Variants in PSTPIP1 observed in about 807,000 individuals in gnomAD.
The protein encoded by PSTPIP1 is proline-serine-threonine phosphatase interacting protein 1.
Under a neutral mutation model 69.6 loss-of-function variants are expected in PSTPIP1, and 66 were observed. The ratio of observed to expected loss-of-function variants is 0.95; its 90% CI spans 0.78 to 1.16. PSTPIP1 has a LOEUF of 1.16. Ranked by LOEUF, PSTPIP1 falls within the 50% of genes most tolerant of loss-of-function variation. The pLI, the probability that PSTPIP1 is intolerant of heterozygous loss-of-function variation, is 0.00. For synonymous variants in PSTPIP1, 266 were observed against 222.7 expected, an observed-to-expected ratio of 1.19 and a Z score of -1.73; for missense variants, 603 against 557.4, an observed-to-expected ratio of 1.08 and a Z score of -0.82.
intron 8 of PSTPIP1, 28 bp downstream of exon 8, chr15:77,029,602 C>A (rs2076366817): frequency 4.5e-6 from 7 of 1,560,046 alleles, no homozygotes; most frequent in Non-Finnish European, 6.1e-6. Flanking sequence ...CCCCGTCCGA[C>A]CAGGGCGGAG....
intron 1 of PSTPIP1, among the ~76,000 whole-genome samples, chr15:77,003,963 T>G (rs1013223449): frequency 6.6e-6 from 1 of 152,242 alleles, no homozygotes; most frequent in Admixed American, 6.5e-5. Context: ...TCTTGCTGTT[T>G]CAGAATGCCT....
At chr15:76,997,035 T>C (rs2075595439) in intron 1 of PSTPIP1, among the ~76,000 whole-genome samples, 1 of 152,208 alleles carries the variant, frequency 6.6e-6, no homozygotes, top group African/African-American at 2.4e-5. Flanking sequence ...CCCCTGGGCC[T>C]GCCTTCCCTA....
intron 9 of PSTPIP1, 63 bp downstream of exon 9, chr15:77,030,644 T>C: frequency 6.8e-7 from 1 of 1,477,982 alleles, no homozygotes; most frequent in Non-Finnish European, 9.1e-7. Flanking sequence ...CCATCCCTAC[T>C]CCAGCTGCTT....
intron 1 of PSTPIP1, among the ~76,000 whole-genome samples, chr15:77,007,599 T>C (rs1466535160): frequency 1.4e-5 from 2 of 145,126 alleles, no homozygotes; most frequent in Non-Finnish European, 3.1e-5. Flanking sequence ...ACAGAACACT[T>C]TTTTTTTTTT....
rs527578859 is a variant in PSTPIP1, at chr15:77,003,525, G to A, written c.36+7916G>A. ...AAAAAAATTAGCGGGGCATGGTGGC[G>A]CATGCCTGTAATCCCAGCTACTCAG... On this transcript the variant is annotated intron_variant, in intron 1 of 14. Coordinates refer to ENST00000558012, the MANE Select transcript of PSTPIP1 (RefSeq NM_003978.5). 5.3e-5 allele frequency among the ~76,000 whole-genome samples: 8 copies of A among 152,170 alleles called. No homozygotes were observed. The South Asian group carries it at 6.2e-4, about 12-fold the overall frequency.
intron 1 of PSTPIP1, among the ~76,000 whole-genome samples, chr15:77,000,460 G>GATATATATATATATATATATATATATAT (rs1045472754): frequency 7.1e-6 from 1 of 141,694 alleles, no homozygotes; most frequent in African/African-American, 2.6e-5. Context: ...TTTAAAGAGA[G>GATATATATATATATATATATATATATAT]ATATATATAT....
intron 12 of PSTPIP1, among the ~76,000 whole-genome samples, chr15:77,034,571 CCA>C (rs980792171): frequency 7.2e-5 from 11 of 152,034 alleles, no homozygotes; most frequent in Admixed American, 2.0e-4. Flanking sequence ...GTCCTGTCCC[CCA>C]CACACCCAAA....
Position 77,029,569 on chromosome 15 carries a change from A to G in PSTPIP1, c.557A>G (p.Glu186Gly). Reference protein sequence around the residue: ...KARQCKDSATEAERVYRQSIA... With the variant: ...KARQCKDSATGAERVYRQSIA... Reference sequence around the variant, plus strand: ...AGGCAGTGCAAGGACTCGGCCACCGAGGCAGGTATGTGGGCCTGGCTGCCC... The same window carrying G: ...AGGCAGTGCAAGGACTCGGCCACCGGGGCAGGTATGTGGGCCTGGCTGCCC... Residue 186 changes from glutamate to glycine, a missense_variant, in exon 8 of 15, where the codon GAG becomes GGG. Glu to Gly is a moderately conservative substitution (Grantham distance 98). Transcript: ENST00000558012. 1 of 1,580,442 alleles carries G rather than the reference A, an allele frequency of 6.3e-7. No homozygotes were observed. Among genetic ancestry groups the G allele is most frequent in the Non-Finnish European group, 8.6e-7 (1 of 1,164,290 alleles).
intron 2 of PSTPIP1, 34 bp downstream of exon 2, chr15:77,018,282 C>G (rs774034892): frequency 4.1e-5 from 64 of 1,555,094 alleles, no homozygotes; most frequent in Non-Finnish European, 5.4e-5. Context: ...GGAGCGCAGG[C>G]AGGAAGCAGG....
At chr15:76,999,623 G>A (rs1344345202) in intron 1 of PSTPIP1, 1 of 152,170 alleles carries the variant, frequency 6.6e-6, no homozygotes. Context: ...TGGTGAGTAG[G>A]GCTGTCTACT....
rs2075550981 is a variant in PSTPIP1, at chr15:76,995,297, G to A, written c.-277G>A. 6 of 1,365,588 alleles carry A rather than the reference G, an allele frequency of 4.4e-6. No individual in the cohort carries two copies. In the South Asian group the frequency reaches 7.8e-5, roughly 18 times the overall value. The allele number at this position is 1,365,588 out of a possible 1,614,324, so 84.6% of individuals were successfully genotyped here. On this transcript the variant is annotated 5_prime_UTR_variant, in exon 1 of 15. Coordinates refer to ENST00000558012, the MANE Select transcript of PSTPIP1 (RefSeq NM_003978.5). ...ATCACCGCAGGGTCGGTGAGGGGCT[G>A]GGCTGGACACCAGGGCCCGCCCTCC...
chr15:77,008,234 C>T (rs1401585228), intron 1 of PSTPIP1, among the ~76,000 whole-genome samples: 1 of 152,000 alleles, frequency 6.6e-6, no homozygotes, highest in African/African-American at 2.4e-5. Flanking sequence ...TCTCACTGAC[C>T]CTGAAACCAA....
intron 10 of PSTPIP1, among the ~76,000 whole-genome samples, chr15:77,031,928 G>A (rs961401598): frequency 2.6e-5 from 4 of 151,968 alleles, no homozygotes; most frequent in Admixed American, 6.5e-5. Flanking sequence ...CTGCCTCCTC[G>A]CCTCCTTGAG....
chr15:77,007,883 C>T (rs776340305), intron 1 of PSTPIP1: 231 of 455,554 alleles, frequency 5.1e-4, no homozygotes, highest in African/African-American at 9.6e-4. Context: ...TGTGAGCCAC[C>T]GCGCCCGACT....
chr15:77,030,372 T>C, intron 8 of PSTPIP1, 130 bp from the exon 9 acceptor site: 1 of 912,374 alleles, frequency 1.1e-6, no homozygotes, highest in Admixed American at 2.1e-5. Context: ...GGCCCCGCCA[T>C]CTGCTAGGGC....
rs1343307555 is a variant in PSTPIP1, at chr15:77,018,165, C to T, written c.54C>T (p.Ala18=). 3.2e-6 allele frequency: 5 copies of T among 1,584,968 alleles called. No homozygotes were observed. In the Admixed American group the frequency reaches 9.1e-5, roughly 29 times the overall value. The change falls in exon 2 of 15, where the codon GCC becomes GCT. Residue 18 remains alanine (A), a synonymous_variant. Coordinates refer to ENST00000558012, the MANE Select transcript of PSTPIP1 (RefSeq NM_003978.5). ...TGTCACAGTGCAGGGACTTCACAGCCCACACGGGCTACGAGGTGCTGCTGC... is the reference window on the plus strand; with the variant it reads ...TGTCACAGTGCAGGGACTTCACAGCTCACACGGGCTACGAGGTGCTGCTGC... ...KDAFWCRDFT[A]HTGYEVLLQR... is the part of the protein sequence containing the mutation.
intron 9 of PSTPIP1, 46 bp from the exon 10 acceptor site, chr15:77,031,134 C>G: frequency 6.4e-7 from 1 of 1,568,906 alleles, no homozygotes; most frequent in Non-Finnish European, 8.7e-7. Flanking sequence ...CTGGCCGGGC[C>G]CTGCAGCCGC....
chr15:77,023,821 G>A (rs1465481240), intron 3 of PSTPIP1, among the ~76,000 whole-genome samples: 2 of 152,166 alleles, frequency 1.3e-5, no homozygotes, highest in East Asian at 3.9e-4. Context: ...CGGGGACCAC[G>A]CTGTGCCTGG....
chr15:77,027,587 G>A lies in PSTPIP1; in HGVS notation c.355-265G>A. On this transcript the variant is annotated intron_variant, in intron 5 of 14. Coordinates refer to ENST00000558012, the MANE Select transcript of PSTPIP1 (RefSeq NM_003978.5). This position sits in a 1 kb window ranked among gnomAD's most constrained non-coding sequence, Gnocchi z 4.3. ...ACTGTGTGCGCACGTGTGTTGGGGTGGGAACTCCCCAGCTGGAGACGAAGC... is the reference window on the plus strand; with the variant it reads ...ACTGTGTGCGCACGTGTGTTGGGGTAGGAACTCCCCAGCTGGAGACGAAGC... 2 of 495,326 alleles carry A rather than the reference G, an allele frequency of 4.0e-6. No homozygotes were observed. Among genetic ancestry groups the A allele is most frequent in the South Asian group, 3.7e-5 (2 of 53,410 alleles). 30.7% of individuals were successfully genotyped at this position (495,326 alleles called of 1,614,324 possible). A position where few individuals can be genotyped will look rare whatever the true frequency, so the allele number is the denominator to read the frequency against.
Sources: allele counts gnomAD v4.1 joint callset (sites outside exome capture counted in the v4.1 genomes callset), GRCh38; gene constraint gnomAD v4.1.1; non-coding constraint Gnocchi (gnomAD v3.1); transcripts MANE v1.5; gene names NCBI Gene and HGNC (gene_info 2026-07-23, HGNC 2026-07-21).